TTLL12: variants seen among roughly 807,000 people sequenced by gnomAD.
TTLL12 encodes the protein tubulin tyrosine ligase like 12.
Under a neutral mutation model 79.6 loss-of-function variants are expected in TTLL12, and 77 were observed. That is an observed-to-expected ratio of 0.97 (90% CI 0.81 to 1.17). The LOEUF is 1.17. Among genes scored for constraint, TTLL12 ranks in the 50% most tolerant of loss-of-function variants. The pLI, the probability that TTLL12 is intolerant of heterozygous loss-of-function variation, is 0.00. For synonymous variants in TTLL12, 437 were observed against 376.1 expected (o/e 1.16, Z -1.87); for missense variants, 969 against 895.9 (o/e 1.08, Z -1.04).
chr22:43,179,249 G>C (rs557203863), intron 5 of TTLL12, among the ~76,000 whole-genome samples: 22 of 152,302 alleles, frequency 1.4e-4, no homozygotes, highest in Admixed American at 1.1e-3. Context: ...CAGAGGGAGG[G>C]AGGCACGCGA....
At chr22:43,182,680 G>A (rs1932087536) in intron 2 of TTLL12, among the ~76,000 whole-genome samples, 1 of 152,190 alleles carries the variant, frequency 6.6e-6, no homozygotes, top group Non-Finnish European at 1.5e-5. Flanking sequence ...CCCTTAACCT[G>A]GAGGGTGACC....
At chr22:43,176,473 T>C in intron 5 of TTLL12, 77 bp from the exon 6 acceptor site, 1 of 1,206,358 alleles carries the variant, frequency 8.3e-7, no homozygotes. Flanking sequence ...CTCATGTCCA[T>C]AATCCCAGCA....
Position 43,167,888 on chromosome 22 carries a change from TG to T in TTLL12, c.*119del. ...AGGATGGCTCGGCAGGACAGAGGCCTGGGGCTGAGGCTATGCCCAGGGCCGG... is the reference window on the plus strand; with the variant it reads ...AGGATGGCTCGGCAGGACAGAGGCCTGGGCTGAGGCTATGCCCAGGGCCGG... On this transcript the variant is annotated 3_prime_UTR_variant, in exon 14 of 14. Transcript: ENST00000216129. 1 of 1,321,524 alleles carries T rather than the reference TG, an allele frequency of 7.6e-7. No homozygotes were observed. The highest frequency in any genetic ancestry group is 1.0e-6 in the Non-Finnish European group (1 of 957,080). The allele number at this position is 1,321,524 out of a possible 1,614,324, so 81.9% of individuals were successfully genotyped here.
chr22:43,179,257 C>T (rs77846409), intron 5 of TTLL12, among the ~76,000 whole-genome samples: 86 of 152,204 alleles, frequency 5.7e-4, no homozygotes, highest in African/African-American at 2.0e-3. Flanking sequence ...GGGAGGCACG[C>T]GATGTGTGAA....
At chr22:43,171,120 G>A (rs2043439787) in intron 11 of TTLL12, among the ~76,000 whole-genome samples, 1 of 151,710 alleles carries the variant, frequency 6.6e-6, no homozygotes, top group South Asian at 2.1e-4. Context: ...GGTGTTCTGT[G>A]CATCTGAAAC....
intron 12 of TTLL12, 72 bp downstream of exon 12, chr22:43,169,428 G>GA (rs1456222481): frequency 7.6e-7 from 1 of 1,311,826 alleles, no homozygotes; most frequent in African/African-American, 1.5e-5. Flanking sequence ...AGAGGGAAGG[G>GA]AGCAGCTCCT....
At position 43,168,426 on chromosome 22, in the gene TTLL12, A is replaced by C. The variant is rs575130910; in HGVS notation, c.1784-267T>G. Reference sequence around the variant, plus strand: ...CCCTTTAAGCTTGGATGTTCAGTTTAGTAAAAAAAAAAAAAAGTAGATATG... The same window carrying C: ...CCCTTTAAGCTTGGATGTTCAGTTTCGTAAAAAAAAAAAAAAGTAGATATG... On this transcript the variant is annotated intron_variant, in intron 13 of 13. Transcript: ENST00000216129. Among the ~76,000 whole-genome samples the C allele has an allele frequency of 1.0e-4, 7 of 68,656 alleles. No homozygotes were observed. The East Asian group carries it at 7.5e-3, about 74-fold the overall frequency. The allele number at this position is 68,656 out of a possible 152,430, so 45.0% of individuals were successfully genotyped here. A position where few individuals can be genotyped will look rare whatever the true frequency, so the allele number is the denominator to read the frequency against.
intron 11 of TTLL12, among the ~76,000 whole-genome samples, chr22:43,170,665 C>T (rs542273849): frequency 6.6e-6 from 1 of 152,328 alleles, no homozygotes; most frequent in South Asian, 2.1e-4. Context: ...AATCCCAGCA[C>T]TTTAGGAGGC....
At chr22:43,177,191 G>T (rs996324868) in intron 5 of TTLL12, among the ~76,000 whole-genome samples, 1 of 151,904 alleles carries the variant, frequency 6.6e-6, no homozygotes, top group Admixed American at 6.6e-5. Context: ...AACATAGTGA[G>T]ACCCCGTCTC....
chr22:43,170,582 A>G (rs1931739830), intron 11 of TTLL12, among the ~76,000 whole-genome samples: 1 of 152,208 alleles, frequency 6.6e-6, no homozygotes, highest in South Asian at 2.1e-4. Context: ...CAAGCTGCAG[A>G]AGGATCCGTT....
In TTLL12 at chr22:43,179,607, G is replaced by A. The variant is rs567459432; in HGVS notation, c.840+12C>T. Reference sequence around the variant, plus strand: ...CAAGCAGACAGGCCTGGTGGGTGGAGGAGGGCTGCACCTGGTAGTGCTCGG... The same window carrying A: ...CAAGCAGACAGGCCTGGTGGGTGGAAGAGGGCTGCACCTGGTAGTGCTCGG... On this transcript the variant is annotated intron_variant, in intron 5 of 13. Transcript: ENST00000216129. 55 of 1,565,396 alleles carry A rather than the reference G, an allele frequency of 3.5e-5. 3 individuals are homozygous for A. The South Asian group carries it at 5.7e-4, about 16-fold the overall frequency.
At position 43,168,866 on chromosome 22, in the gene TTLL12, G is replaced by C. The variant is rs1474541104; in HGVS notation, c.1691C>G (p.Ala564Gly). The C allele has an allele frequency of 1.2e-6, 2 of 1,610,128 alleles. No individual in the cohort carries two copies. Among genetic ancestry groups the C allele is most frequent in the African/African-American group, 2.7e-5 (2 of 74,894 alleles). Residue 564 changes from alanine (A) to glycine (G), a missense_variant, in exon 13 of 14, where the codon GCC (alanine) becomes GGC (glycine). Ala to Gly is a moderately conservative substitution (Grantham distance 60). Transcript: ENST00000216129. Reference protein sequence around the residue: ...AFTELFQVACAKPPPLGLCDY... With the variant: ...AFTELFQVACGKPPPLGLCDY... ...GCAGAGGCCCAGGGGTGGTGGCTTG[G>C]CACAGGCCACCTGGAACAGCTCCGT...
At chr22:43,180,508 G>A (rs906764637) in intron 3 of TTLL12, among the ~76,000 whole-genome samples, 1 of 152,198 alleles carries the variant, frequency 6.6e-6, no homozygotes, top group African/African-American at 2.4e-5. Flanking sequence ...GGCCAGGAAA[G>A]AGGCGGCTGA....
chr22:43,168,969 G>A, intron 12 of TTLL12, 57 bp from the exon 13 acceptor site: 2 of 1,541,792 alleles, frequency 1.3e-6, no homozygotes, highest in Non-Finnish European at 8.7e-7. Context: ...CTCAAGAGGG[G>A]GTCTGCTGCC....
chr22:43,183,316 G>T (rs875307), intron 1 of TTLL12, among the ~76,000 whole-genome samples, 167 bp from the exon 2 acceptor site: 2 of 152,022 alleles, frequency 1.3e-5, no homozygotes, highest in South Asian at 4.1e-4. Context: ...TCTTACGGGC[G>T]GGGAGACTGA....
intron 6 of TTLL12, among the ~76,000 whole-genome samples, chr22:43,175,839 A>ATTTTTTTTTT (rs753447234): frequency 1.1e-4 from 14 of 128,360 alleles, no homozygotes; most frequent in African/African-American, 1.8e-4. Flanking sequence ...TGCCCTACTA[A>ATTTTTTTTTT]TTTTTTTTTT....
At chr22:43,178,011 AAC>A (rs1931957709) in intron 5 of TTLL12, among the ~76,000 whole-genome samples, 1 of 152,164 alleles carries the variant, frequency 6.6e-6, no homozygotes. Context: ...CCCAAGGAAA[AAC>A]ACAAACTTTA....
At chr22:43,174,655 G>T in intron 6 of TTLL12, 40 bp from the exon 7 acceptor site, 3 of 1,460,192 alleles carry the variant, frequency 2.1e-6, no homozygotes, top group Non-Finnish European at 1.9e-6. Flanking sequence ...CGGCTCCCAA[G>T]TGTCCAAGCG....
chr22:43,185,309 C>G (rs1932157410), intron 1 of TTLL12, among the ~76,000 whole-genome samples: 1 of 124,706 alleles, frequency 8.0e-6, no homozygotes, highest in African/African-American at 3.1e-5. Flanking sequence ...ATGTATGTAT[C>G]TTCAAGTTTC....
Sources: allele counts gnomAD v4.1 joint callset (sites outside exome capture counted in the v4.1 genomes callset), GRCh38; gene constraint gnomAD v4.1.1; transcripts MANE v1.5; gene names NCBI Gene and HGNC (gene_info 2026-07-23, HGNC 2026-07-21).